The following LAMA2 variants were observed in gnomAD, a reference collection of about 807,000 sequenced individuals.
The protein encoded by LAMA2 is laminin subunit alpha-2.
In LAMA2, 269 loss-of-function variants were observed where a neutral mutation model predicts 364.8. That is an observed-to-expected ratio of 0.74 (90% CI 0.67 to 0.82). LAMA2 has a LOEUF of 0.82. LAMA2 is among the 40% of genes least tolerant of loss of function. The pLI, the probability that LAMA2 is intolerant of heterozygous loss-of-function variation, is 0.00. For missense variants in LAMA2, 3,807 were observed against 3,873.2 expected (o/e 0.98, Z 0.45); for synonymous variants, 1,379 against 1,370.6 (o/e 1.01, Z -0.14).
chr6:129,109,796 T>G (rs1191000309), intron 4 of LAMA2, among the ~76,000 whole-genome samples: 1 of 152,086 alleles, frequency 6.6e-6, no homozygotes, highest in Non-Finnish European at 1.5e-5. Flanking sequence ...TTTATTTGGC[T>G]CAAGCTAATT....
intron 1 of LAMA2, among the ~76,000 whole-genome samples, chr6:128,935,367 C>T (rs1204153815): frequency 6.6e-6 from 1 of 152,118 alleles, no homozygotes; most frequent in African/African-American, 2.4e-5. Flanking sequence ...TTTCCAGCTT[C>T]ATCCATGTCC....
chr6:129,354,769 A>G (rs1159271888), intron 32 of LAMA2, among the ~76,000 whole-genome samples: 1 of 152,206 alleles, frequency 6.6e-6, no homozygotes, highest in Non-Finnish European at 1.5e-5. Flanking sequence ...TTTCTTTTAA[A>G]GAGAATTGGC....
intron 42 of LAMA2, among the ~76,000 whole-genome samples, chr6:129,440,032 A>G (rs1248886109): frequency 1.3e-5 from 2 of 152,028 alleles, no homozygotes; most frequent in African/African-American, 2.4e-5. Context: ...ATCAGTTAAG[A>G]TACTGTTATT....
rs375955996 is a variant in LAMA2, at chr6:129,417,819, ACCT to A, written c.5866-9932_5866-9930del. Reference sequence around the variant, plus strand: ...TCAGTGCTGCCCCGAGCATATGCACACCTGGCTGGGTTGCAACAGCCTCAGCTT... The same window carrying A: ...TCAGTGCTGCCCCGAGCATATGCACAGGCTGGGTTGCAACAGCCTCAGCTT... On this transcript the variant is annotated intron_variant, in intron 40 of 64. Coordinates refer to ENST00000421865, the MANE Select transcript of LAMA2 (RefSeq NM_000426.4). 4.2e-3 allele frequency among the ~76,000 whole-genome samples: 635 copies of A among 152,304 alleles called. 5 individuals are homozygous for A. The highest frequency in any genetic ancestry group is 7.9e-3 in the South Asian group (38 of 4,832).
intron 12 of LAMA2, among the ~76,000 whole-genome samples, chr6:129,231,793 G>A (rs1562359927): frequency 6.6e-6 from 1 of 151,842 alleles, no homozygotes; most frequent in Admixed American, 6.6e-5. Flanking sequence ...ATTATTTGGA[G>A]GAACATATGC....
At chr6:129,250,320 TA>T (rs775185063) in intron 13 of LAMA2, 107 bp downstream of exon 13, 693 of 694,130 alleles carry the variant, frequency 1.0e-3, no homozygotes, top group Non-Finnish European at 1.1e-3. Flanking sequence ...ACAGGACTAC[TA>T]AAAAAAAATA....
chr6:129,491,512 G>C (rs1784861085), intron 56 of LAMA2, among the ~76,000 whole-genome samples: 1 of 152,184 alleles, frequency 6.6e-6, no homozygotes, highest in South Asian at 2.1e-4. Context: ...CTAGCAAGAA[G>C]ATAATAGCCA....
At chr6:129,225,264 T>C (rs1268598231) in intron 12 of LAMA2, among the ~76,000 whole-genome samples, 2 of 152,224 alleles carry the variant, frequency 1.3e-5, no homozygotes, top group Non-Finnish European at 2.9e-5. Context: ...ATCAATTTTG[T>C]TGATCTTTTC....
At chr6:129,244,126 A>G (rs911281395) in intron 12 of LAMA2, among the ~76,000 whole-genome samples, 8 of 152,046 alleles carry the variant, frequency 5.3e-5, no homozygotes, top group African/African-American at 1.9e-4. Flanking sequence ...TTCATTTTCT[A>G]TGCATTAAGG....
chr6:129,132,796 A>C (rs1777569289), intron 4 of LAMA2, among the ~76,000 whole-genome samples: 1 of 152,210 alleles, frequency 6.6e-6, no homozygotes, highest in African/African-American at 2.4e-5. Flanking sequence ...TAATCATTTT[A>C]CATAAATTAT....
At chr6:129,222,226 C>T (rs906757149) in intron 12 of LAMA2, among the ~76,000 whole-genome samples, 7 of 151,840 alleles carry the variant, frequency 4.6e-5, no homozygotes, top group Non-Finnish European at 8.8e-5. Flanking sequence ...CACGATTAGA[C>T]CAATGATGAT....
intron 40 of LAMA2, among the ~76,000 whole-genome samples, chr6:129,406,331 A>G (rs1754621631): frequency 6.6e-6 from 1 of 152,214 alleles, no homozygotes; most frequent in Admixed American, 6.5e-5. Flanking sequence ...GTAAAGAGTA[A>G]TAGCTACTTG....
At chr6:129,314,296 G>A (rs1482779299) in intron 23 of LAMA2, among the ~76,000 whole-genome samples, 1 of 151,688 alleles carries the variant, frequency 6.6e-6, no homozygotes, top group African/African-American at 2.4e-5. Flanking sequence ...CTACTCGGAA[G>A]GCTGAGGCCG....
At chr6:129,019,933 A>C (rs1410739879) in intron 1 of LAMA2, among the ~76,000 whole-genome samples, 2 of 152,062 alleles carry the variant, frequency 1.3e-5, no homozygotes, top group African/African-American at 2.4e-5. Flanking sequence ...AAAAGTACCA[A>C]AATCAGCCAG....
chr6:128,949,715 A>G (rs529114747), intron 1 of LAMA2, among the ~76,000 whole-genome samples: 20 of 152,092 alleles, frequency 1.3e-4, no homozygotes, highest in Non-Finnish European at 2.2e-4. Flanking sequence ...AAATGGGGTA[A>G]TTCTTTCTGT....
chr6:129,214,077 C>T (rs1783271894), intron 12 of LAMA2, among the ~76,000 whole-genome samples: 3 of 152,052 alleles, frequency 2.0e-5, no homozygotes, highest in Admixed American at 2.0e-4. Flanking sequence ...CACAAGTTAT[C>T]TCAGTCAATT....
Position 129,316,164 on chromosome 6 carries a change from C to T in LAMA2, c.4051C>T (p.Gln1351Ter), listed in dbSNP as rs751856350. 1 of 1,602,932 alleles carries T rather than the reference C, an allele frequency of 6.2e-7. No individual in the cohort carries two copies. The highest frequency in any genetic ancestry group is 1.3e-5 in the African/African-American group (1 of 74,630). Reference sequence around the variant, plus strand: ...AGCTACTTATGGAAATTTCATGCGACAAAGCAGGTAAACTCTAATAGAAAA... The same window carrying T: ...AGCTACTTATGGAAATTTCATGCGATAAAGCAGGTAAACTCTAATAGAAAA... ...IKATYGNFMR[Q>*]SRISEISMEV... The change falls in exon 27 of 65, where the codon CAA becomes TAA. Residue 1351 changes from glutamine (Q) to a stop codon, truncating the protein, a stop_gained. Coordinates refer to ENST00000421865, the MANE Select transcript of LAMA2 (RefSeq NM_000426.4). LOFTEE classifies it high-confidence loss of function.
chr6:128,974,825 G>A (rs1229409236), intron 1 of LAMA2, among the ~76,000 whole-genome samples: 1 of 151,128 alleles, frequency 6.6e-6, no homozygotes, highest in Non-Finnish European at 1.5e-5. Context: ...CTTTGTGTCT[G>A]CTTTGTGACA....
chr6:129,514,534 C>A lies in LAMA2; in HGVS notation c.9150C>A (p.Ser3050Arg). 1.9e-6 allele frequency: 3 copies of A among 1,614,148 alleles called. No homozygotes were observed. Among genetic ancestry groups the A allele is most frequent in the Non-Finnish European group, 2.5e-6 (3 of 1,179,988 alleles). Residue 3050 changes from serine to arginine, a missense_variant, in exon 64 of 65, where the codon AGC becomes AGA. Transcript: ENST00000421865. ...ATGGGAACCAGGTGGAAGCCCAAAG[C>A]CCAAACCCAGCATCTACATCAGCTG... ...TVDGNQVEAQ[S>R]PNPASTSADT...
Sources: allele counts gnomAD v4.1 joint callset (sites outside exome capture counted in the v4.1 genomes callset), GRCh38; gene constraint gnomAD v4.1.1; transcripts MANE v1.5; gene names NCBI Gene and HGNC (gene_info 2026-07-23, HGNC 2026-07-21).